LIMCH1: variants seen among roughly 807,000 people sequenced by gnomAD.
The protein encoded by LIMCH1 is LIM and calponin homology domains-containing protein 1.
LIMCH1 carries 113 observed loss-of-function variants against 176.5 expected under a neutral mutation model. The observed-to-expected ratio is 0.64, with a 90% confidence interval of 0.55 to 0.75. The LOEUF (loss-of-function observed/expected upper bound fraction) is 0.75. Among genes scored for constraint, LIMCH1 ranks in the 30% least tolerant of loss-of-function variants. The pLI is 0.00. For synonymous variants in LIMCH1, 619 were observed against 645.9 expected (o/e 0.96, Z 0.63); for missense variants, 1,674 against 1,814.9 (o/e 0.92, Z 1.41).
chr4:41,449,437 G>C (rs1448927962), intron 1 of LIMCH1, among the ~76,000 whole-genome samples: 1 of 152,070 alleles, frequency 6.6e-6, no homozygotes, highest in East Asian at 1.9e-4. Flanking sequence ...CCTGTTTATT[G>C]TAACAATATA....
intron 1 of LIMCH1, among the ~76,000 whole-genome samples, chr4:41,364,377 GT>G (rs5857792): frequency 0.5 from 75,764 of 151,666 alleles, 20,757 homozygotes; most frequent in African/African-American, 0.74. Flanking sequence ...TATTGCTATT[GT>G]TTTTTTCTGT....
chr4:41,417,246 G>A (rs367749901), intron 1 of LIMCH1, among the ~76,000 whole-genome samples: 2 of 152,276 alleles, frequency 1.3e-5, no homozygotes, highest in South Asian at 4.1e-4. Context: ...CACTCCGGGT[G>A]AAAACAGCCT....
At chr4:41,609,923 C>A (rs992111991) in intron 4 of LIMCH1, among the ~76,000 whole-genome samples, 1 of 152,196 alleles carries the variant, frequency 6.6e-6, no homozygotes, top group Non-Finnish European at 1.5e-5. Context: ...TAGAATTGTC[C>A]ATCCAGCTGA....
chr4:41,673,063 T>C (rs1253594235), intron 22 of LIMCH1, among the ~76,000 whole-genome samples: 1 of 152,146 alleles, frequency 6.6e-6, no homozygotes, highest in East Asian at 1.9e-4. Context: ...TTCTTATCTG[T>C]AGGTAAATTG....
At chr4:41,581,154 CA>C (rs1284543056) in intron 1 of LIMCH1, among the ~76,000 whole-genome samples, 7 of 151,564 alleles carry the variant, frequency 4.6e-5, no homozygotes, top group African/African-American at 1.7e-4. Flanking sequence ...ATCATCTAAT[CA>C]ATCATCTGTT....
intron 2 of LIMCH1, among the ~76,000 whole-genome samples, chr4:41,602,973 T>C (rs2090186997): frequency 6.6e-6 from 1 of 152,204 alleles, no homozygotes. Flanking sequence ...ATTTCCATGG[T>C]ATGCTACTTG....
chr4:41,648,669 G>GTGTT (rs1336688221), intron 17 of LIMCH1, among the ~76,000 whole-genome samples: 9 of 149,790 alleles, frequency 6.0e-5, no homozygotes, highest in Non-Finnish European at 1.2e-4. Flanking sequence ...GTGTGTGTGT[G>GTGTT]TGTGTGTGTG....
chr4:41,641,148 G>A (rs1401154977), intron 14 of LIMCH1, among the ~76,000 whole-genome samples: 1 of 152,106 alleles, frequency 6.6e-6, no homozygotes, highest in African/African-American at 2.4e-5. Context: ...GCAGCCAGGA[G>A]CCCTCATCCC....
chr4:41,498,850 G>A (rs552954149), intron 2 of LIMCH1, among the ~76,000 whole-genome samples: 39 of 152,140 alleles, frequency 2.6e-4, no homozygotes, highest in South Asian at 2.1e-3. Context: ...ATAGGATCAG[G>A]GGCTGGCAAA....
At chr4:41,548,877 G>A (rs62412479) in intron 1 of LIMCH1, among the ~76,000 whole-genome samples, 12,767 of 152,208 alleles carry the variant, frequency 0.084, 684 homozygotes, top group Middle Eastern at 0.14. Flanking sequence ...GGTGTAAAGA[G>A]CTGGGTTGCA....
chr4:41,617,213 G>T (rs1283474837), intron 5 of LIMCH1, among the ~76,000 whole-genome samples: 1 of 152,112 alleles, frequency 6.6e-6, no homozygotes, highest in African/African-American at 2.4e-5. Context: ...AGAATCATTT[G>T]CTTTATTTGT....
At chr4:41,631,626 C>A in intron 10 of LIMCH1, 149 bp downstream of exon 10, 1 of 628,268 alleles carries the variant, frequency 1.6e-6, no homozygotes, top group Non-Finnish European at 2.5e-6. Flanking sequence ...GCGGGTCCCC[C>A]TGCGGGGAAC....
chr4:41,627,107 T>C (rs886235155), intron 8 of LIMCH1, 97 bp downstream of exon 8: 1 of 1,419,618 alleles, frequency 7.0e-7, no homozygotes, highest in African/African-American at 1.4e-5. Context: ...CAGTTTGTAT[T>C]GTACCCCCTC....
intron 22 of LIMCH1, 45 bp downstream of exon 22, chr4:41,671,639 T>C (rs1460811946): frequency 7.2e-7 from 1 of 1,393,774 alleles, no homozygotes; most frequent in Admixed American, 1.7e-5. Context: ...TTAGTGTGAT[T>C]TTAATTTATA....
chr4:41,596,535 A>T (rs755028342), intron 1 of LIMCH1, among the ~76,000 whole-genome samples: 1 of 152,240 alleles, frequency 6.6e-6, no homozygotes, highest in African/African-American at 2.4e-5. Flanking sequence ...GGAAAGAAAG[A>T]TGTTATATTT....
intron 1 of LIMCH1, among the ~76,000 whole-genome samples, chr4:41,469,806 C>G (rs1355304180): frequency 6.6e-6 from 1 of 151,914 alleles, no homozygotes; most frequent in Admixed American, 6.6e-5. Context: ...CTCAGCCTCC[C>G]GAGTAGCTGG....
intron 15 of LIMCH1, 122 bp from the exon 16 acceptor site, chr4:41,646,001 T>C: frequency 2.0e-6 from 2 of 981,918 alleles, no homozygotes; most frequent in East Asian, 2.4e-5. Flanking sequence ...ATGCACACGA[T>C]GTTATAGTGC....
At chr4:41,389,118 C>A (rs957874516) in intron 1 of LIMCH1, 1 of 152,312 alleles carries the variant, frequency 6.6e-6, no homozygotes, top group African/African-American at 2.4e-5. Context: ...CTCTCCCATA[C>A]CACCTAAGTT....
chr4:41,525,234 G>A (rs568228532), intron 3 of LIMCH1, among the ~76,000 whole-genome samples: 17 of 152,258 alleles, frequency 1.1e-4, no homozygotes, highest in South Asian at 6.2e-4. Context: ...GTGTGTGTGC[G>A]TGCACACGCG....
Sources: gnomAD v4.1 joint callset for allele counts (sites outside exome capture counted in the v4.1 genomes callset) on GRCh38, gnomAD v4.1.1 for gene constraint, MANE v1.5 for transcripts, NCBI Gene and HGNC (gene_info 2026-07-23, HGNC 2026-07-21) for gene names.